Variants in MAST4 observed in about 807,000 individuals in gnomAD.
The protein encoded by MAST4 is microtubule-associated serine/threonine-protein kinase 4.
A neutral mutation model predicts 162.7 loss-of-function variants in MAST4; 89 were observed. The observed-to-expected ratio is 0.55, with a 90% CI of 0.46 to 0.65. The LOEUF is 0.65. Ranked by LOEUF, MAST4 falls within the 30% of genes least tolerant of loss-of-function variation. The probability of loss-of-function intolerance (pLI) is 0.00; values close to 1 mark genes in which losing one functional copy is unlikely to be tolerated. For synonymous variants in MAST4, 1,479 were observed against 1,361.1 expected (o/e 1.09, Z -1.91); for missense variants, 3,153 against 3,374.0 (o/e 0.93, Z 1.62).
chr5:66,599,246 A>AGG (rs1561204081), intron 1 of MAST4, among the ~76,000 whole-genome samples: 1 of 152,176 alleles, frequency 6.6e-6, no homozygotes, highest in Admixed American at 6.5e-5. Flanking sequence ...GGTATGGGGC[A>AGG]GGGGGGTGTT....
At chr5:66,847,995 A>G (rs1247961368) in intron 3 of MAST4, among the ~76,000 whole-genome samples, 1 of 152,136 alleles carries the variant, frequency 6.6e-6, no homozygotes, top group Non-Finnish European at 1.5e-5. Flanking sequence ...ATGTTGTCCT[A>G]AGCAAAACCT....
intron 1 of MAST4, among the ~76,000 whole-genome samples, chr5:66,725,614 G>A (rs904218444): frequency 1.3e-5 from 2 of 152,188 alleles, no homozygotes; most frequent in Admixed American, 6.5e-5. Flanking sequence ...TGGGCTGCCT[G>A]TACTGCAGGT....
At chr5:66,957,065 T>C (rs1480853168) in intron 4 of MAST4, among the ~76,000 whole-genome samples, 6 of 151,410 alleles carry the variant, frequency 4.0e-5, no homozygotes, top group Non-Finnish European at 8.8e-5. Context: ...GAAGTGAAAA[T>C]GTATTGTAGT....
chr5:66,875,967 A>C (rs926943042), intron 3 of MAST4, among the ~76,000 whole-genome samples: 2 of 152,100 alleles, frequency 1.3e-5, no homozygotes, highest in Non-Finnish European at 2.9e-5. Flanking sequence ...GGGTCTTGCT[A>C]TGTTGCCCAG....
intron 1 of MAST4, among the ~76,000 whole-genome samples, chr5:66,664,435 C>CAAAAAAAAAAAA (rs58704256): frequency 7.5e-5 from 7 of 93,914 alleles, no homozygotes; most frequent in African/African-American, 1.8e-4. Flanking sequence ...AACTCCATTT[C>CAAAAAAAAAAAA]AAAAAAAAAA....
chr5:66,828,716 G>C (rs1198527876), intron 3 of MAST4: 2 of 1,406,416 alleles, frequency 1.4e-6, no homozygotes, highest in Non-Finnish European at 1.9e-6. Flanking sequence ...AGCTGACTCC[G>C]GGCTCCAATC....
intron 4 of MAST4, among the ~76,000 whole-genome samples, chr5:67,020,088 T>C (rs1329421561): frequency 6.6e-6 from 1 of 152,102 alleles, no homozygotes; most frequent in African/African-American, 2.4e-5. Context: ...CTCCCTTGAG[T>C]TTCAGGCACT....
chr5:67,155,507 C>T (rs1310065569), intron 26 of MAST4, among the ~76,000 whole-genome samples: 2 of 152,216 alleles, frequency 1.3e-5, no homozygotes, highest in Non-Finnish European at 2.9e-5. Context: ...ATTAGCCAGG[C>T]TTAACTTCTG....
At chr5:66,604,116 T>C (rs1437381028) in intron 1 of MAST4, among the ~76,000 whole-genome samples, 1 of 152,220 alleles carries the variant, frequency 6.6e-6, no homozygotes, top group Non-Finnish European at 1.5e-5. Flanking sequence ...TGTGAAATGC[T>C]GGTTCAGGAC....
intron 3 of MAST4, among the ~76,000 whole-genome samples, chr5:66,826,949 C>T (rs559653576): frequency 6.3e-4 from 96 of 152,300 alleles, no homozygotes; most frequent in African/African-American, 2.0e-3. Context: ...AGATAGAAAG[C>T]AGGCAACAAT....
At chr5:67,079,230 A>G (rs1762315795) in intron 5 of MAST4, among the ~76,000 whole-genome samples, 1 of 151,942 alleles carries the variant, frequency 6.6e-6, no homozygotes, top group Non-Finnish European at 1.5e-5. Context: ...CATTCATAAA[A>G]TACTAAGTAA....
At chr5:66,771,186 C>CTT (rs536857710) in intron 2 of MAST4, among the ~76,000 whole-genome samples, 3,010 of 145,450 alleles carry the variant, frequency 0.021, 102 homozygotes, top group African/African-American at 0.07. Context: ...TCTTTTCTTT[C>CTT]TTTTTTTTTT....
intron 1 of MAST4, among the ~76,000 whole-genome samples, chr5:66,661,742 A>G (rs1347764692): frequency 2.0e-5 from 3 of 152,194 alleles, no homozygotes; most frequent in Non-Finnish European, 4.4e-5. Context: ...AAGCCAAAGT[A>G]GACATCTGTA....
At chr5:66,881,377 A>G (rs969149181) in intron 3 of MAST4, among the ~76,000 whole-genome samples, 1 of 152,204 alleles carries the variant, frequency 6.6e-6, no homozygotes, top group African/African-American at 2.4e-5. Context: ...TGGAATTTCT[A>G]TGTTAAGTCC....
intron 4 of MAST4, among the ~76,000 whole-genome samples, chr5:67,018,747 G>A (rs1325311217): frequency 6.6e-6 from 1 of 152,142 alleles, no homozygotes; most frequent in African/African-American, 2.4e-5. Flanking sequence ...CTATGCAAGT[G>A]AAGATGGAAG....
intron 4 of MAST4, among the ~76,000 whole-genome samples, chr5:66,943,074 C>G (rs187022783): frequency 6.6e-6 from 1 of 152,172 alleles, no homozygotes; most frequent in Admixed American, 6.6e-5. Flanking sequence ...ATGACCTAAT[C>G]ACCTTCCCCT....
chr5:66,726,649 G>T (rs1046527070), intron 1 of MAST4, among the ~76,000 whole-genome samples: 2 of 152,066 alleles, frequency 1.3e-5, no homozygotes, highest in Admixed American at 1.3e-4. Flanking sequence ...CTGATCTAAG[G>T]TTCTTACTGG....
At chr5:66,610,809 G>A (rs528186065) in intron 1 of MAST4, among the ~76,000 whole-genome samples, 7 of 152,360 alleles carry the variant, frequency 4.6e-5, no homozygotes, top group African/African-American at 1.2e-4. Context: ...TCCCAGCCAC[G>A]TTGTGGCTCT....
At chr5:66,790,825 T>G (rs1755362435) in intron 3 of MAST4, among the ~76,000 whole-genome samples, 1 of 152,254 alleles carries the variant, frequency 6.6e-6, no homozygotes, top group Non-Finnish European at 1.5e-5. Flanking sequence ...GAGCTTATTT[T>G]ACTCTGATTA....
Sources: allele counts gnomAD v4.1 joint callset (sites outside exome capture counted in the v4.1 genomes callset), GRCh38; gene constraint gnomAD v4.1.1; transcripts MANE v1.5; gene names NCBI Gene and HGNC (gene_info 2026-07-23, HGNC 2026-07-21).